Variants in RFX3 observed in about 807,000 individuals in gnomAD.
The protein encoded by RFX3 is regulatory factor X3, also known as transcription factor RFX3.
Under a neutral mutation model 98.6 loss-of-function variants are expected in RFX3, and 14 were observed. That is an observed-to-expected ratio of 0.14 (90% CI 0.09 to 0.22). RFX3 has a LOEUF of 0.22. RFX3 is among the 10% of genes least tolerant of loss of function. The pLI is 1.00. For synonymous variants in RFX3, 383 were observed against 328.4 expected, an observed-to-expected ratio of 1.17 and a Z score of -1.80; for missense variants, 639 against 926.9, an observed-to-expected ratio of 0.69 and a Z score of 4.03.
chr9:3,522,634 AACAC>A (rs150801345), intron 1 of RFX3, among the ~76,000 whole-genome samples: 2 of 148,324 alleles, frequency 1.3e-5, no homozygotes, highest in East Asian at 2.0e-4. Context: ...TTTAAACACA[AACAC>A]ACACACACAC....
intron 4 of RFX3, among the ~76,000 whole-genome samples, chr9:3,318,842 A>C (rs2130692040): frequency 6.6e-6 from 1 of 152,314 alleles, no homozygotes; most frequent in South Asian, 2.1e-4. Context: ...TTATAAATTG[A>C]ATGTGTTCTG....
At chr9:3,380,263 C>T (rs73639805) in intron 2 of RFX3, among the ~76,000 whole-genome samples, 1 of 152,262 alleles carries the variant, frequency 6.6e-6, no homozygotes, top group African/African-American at 2.4e-5. Flanking sequence ...GATAAGAAAA[C>T]TAAGACTGGT....
At chr9:3,519,109 G>A (rs1818455975) in intron 1 of RFX3, among the ~76,000 whole-genome samples, 1 of 152,130 alleles carries the variant, frequency 6.6e-6, no homozygotes, top group South Asian at 2.1e-4. Context: ...ACAATGAACT[G>A]GACAATGGGA....
chr9:3,311,770 G>T (rs1829987932), intron 4 of RFX3, among the ~76,000 whole-genome samples: 1 of 152,012 alleles, frequency 6.6e-6, no homozygotes, highest in Non-Finnish European at 1.5e-5. Flanking sequence ...TGTTATCCCA[G>T]CTACTCGGGA....
At chr9:3,283,131 TA>T (rs1313582881) in intron 7 of RFX3, among the ~76,000 whole-genome samples, 3 of 151,726 alleles carry the variant, frequency 2.0e-5, no homozygotes, top group Admixed American at 1.3e-4. Context: ...AAAGGAATGA[TA>T]AACTATTAAC....
chr9:3,339,517 T>C (rs1833619319), intron 3 of RFX3, among the ~76,000 whole-genome samples: 1 of 152,210 alleles, frequency 6.6e-6, no homozygotes, highest in South Asian at 2.1e-4. Flanking sequence ...TTCATTCATT[T>C]TTTCCCTGTG....
rs1272400340 is a variant in RFX3, at chr9:3,395,482, A to T, written c.107T>A (p.Val36Glu). 1 of 1,613,990 alleles carries T rather than the reference A, an allele frequency of 6.2e-7. No homozygotes were observed. Among genetic ancestry groups the T allele is most frequent in the African/African-American group, 1.3e-5 (1 of 74,948 alleles). Residue 36 changes from valine (V) to glutamate (E), a missense_variant, in exon 2 of 17, where the codon GTA (valine) becomes GAA (glutamate). Coordinates refer to ENST00000617270, the MANE Select transcript of RFX3 (RefSeq NM_001282116.2). ...GCAGCAGCTCCTTACCTGTTGTTGT[A>T]CTGGTACTTGCTGTACCACCTGCGT... ...VPTQVVQQVP[V>E]QQQVQQVQTV...
chr9:3,440,923 C>T (rs181101973), intron 1 of RFX3, among the ~76,000 whole-genome samples: 2 of 152,150 alleles, frequency 1.3e-5, no homozygotes, highest in African/African-American at 4.8e-5. Flanking sequence ...AATTTCAAAA[C>T]TGACCCATAT....
At chr9:3,281,178 TACATAGTA>T (rs1480768409) in intron 7 of RFX3, among the ~76,000 whole-genome samples, 1 of 151,736 alleles carries the variant, frequency 6.6e-6, no homozygotes, top group Non-Finnish European at 1.5e-5. Context: ...TCTATTGGCT[TACATAGTA>T]ATTCTACATT....
intron 1 of RFX3, among the ~76,000 whole-genome samples, chr9:3,429,000 C>A (rs1256432723): frequency 6.6e-6 from 1 of 151,246 alleles, no homozygotes; most frequent in East Asian, 1.9e-4. Context: ...TTCTTTAAAA[C>A]ATTTCTTTTT....
rs74647984 is a variant in RFX3 at position 3,371,886 on chromosome 9, A to T, written c.117+23586T>A. On this transcript the variant is annotated intron_variant, in intron 2 of 16. Transcript: ENST00000617270. Reference sequence around the variant, plus strand: ...AGTAGCAACTGGAAGGACTATGTTTAGGTACCAAGAAAAATTCCCTTTACA... The same window carrying T: ...AGTAGCAACTGGAAGGACTATGTTTTGGTACCAAGAAAAATTCCCTTTACA... 1.6e-3 allele frequency among the ~76,000 whole-genome samples: 248 copies of T among 152,334 alleles called. 2 individuals carry two copies. Among genetic ancestry groups the T allele is most frequent in the Admixed American group, 0.013 (197 of 15,308 alleles).
At chr9:3,278,624 T>C (rs761341403) in intron 7 of RFX3, among the ~76,000 whole-genome samples, 7 of 151,836 alleles carry the variant, frequency 4.6e-5, no homozygotes, top group Non-Finnish European at 8.8e-5. Flanking sequence ...ACAACAAATA[T>C]GAAGTCACCG....
At chr9:3,485,724 C>T (rs1259314558) in intron 1 of RFX3, among the ~76,000 whole-genome samples, 4 of 152,122 alleles carry the variant, frequency 2.6e-5, no homozygotes, top group Non-Finnish European at 1.5e-5. Flanking sequence ...TTACATGCAT[C>T]ATCTTTAGTT....
At chr9:3,297,218 T>A (rs990795096) in intron 5 of RFX3, among the ~76,000 whole-genome samples, 4 of 152,092 alleles carry the variant, frequency 2.6e-5, no homozygotes, top group Non-Finnish European at 5.9e-5. Flanking sequence ...ACGAAACAAT[T>A]ATTATATCTT....
chr9:3,372,068 T>C (rs1422048212), intron 2 of RFX3, among the ~76,000 whole-genome samples: 3 of 152,222 alleles, frequency 2.0e-5, no homozygotes, highest in Non-Finnish European at 4.4e-5. Context: ...CCCTTACCTC[T>C]TCAGTGTACA....
At chr9:3,468,579 T>C (rs1474856134) in intron 1 of RFX3, among the ~76,000 whole-genome samples, 1 of 152,154 alleles carries the variant, frequency 6.6e-6, no homozygotes, top group Admixed American at 6.6e-5. Context: ...ATATGTAATG[T>C]AGGCAGCTTA....
intron 3 of RFX3, among the ~76,000 whole-genome samples, chr9:3,335,673 T>A (rs898907764): frequency 6.6e-6 from 1 of 152,224 alleles, no homozygotes; most frequent in African/African-American, 2.4e-5. Flanking sequence ...TGTCATATTA[T>A]TTCTATAGCA....
chr9:3,446,629 A>G (rs994662745), intron 1 of RFX3, among the ~76,000 whole-genome samples: 2 of 151,828 alleles, frequency 1.3e-5, no homozygotes, highest in African/African-American at 4.8e-5. Context: ...TACAACTCTC[A>G]CCATTTAAAA....
chr9:3,271,169 T>A, intron 9 of RFX3, 51 bp from the exon 10 acceptor site: 1 of 1,498,708 alleles, frequency 6.7e-7, no homozygotes. Flanking sequence ...TTTACGGGAC[T>A]GTGTGAGGAC....
Sources: allele counts gnomAD v4.1 joint callset (sites outside exome capture counted in the v4.1 genomes callset), GRCh38; gene constraint gnomAD v4.1.1; transcripts MANE v1.5; gene names NCBI Gene and HGNC (gene_info 2026-07-23, HGNC 2026-07-21).